CPA6: variants seen among roughly 807,000 people sequenced by gnomAD.
CPA6 encodes the protein carboxypeptidase A6.
In CPA6, 58 loss-of-function variants were observed where a neutral mutation model predicts 63.3. The ratio of observed to expected loss-of-function variants is 0.92; its 90% confidence interval spans 0.74 to 1.14. CPA6 has a LOEUF of 1.14. CPA6 is among the 50% of genes most tolerant of loss of function. CPA6 has a pLI of 0.00. For synonymous variants in CPA6, 185 were observed against 179.0 expected (o/e 1.03, Z -0.27); for missense variants, 565 against 526.6 (o/e 1.07, Z -0.71).
chr8:67,671,397 C>T (rs1001297306), intron 1 of CPA6, among the ~76,000 whole-genome samples: 2 of 152,234 alleles, frequency 1.3e-5, no homozygotes, highest in Non-Finnish European at 2.9e-5. Context: ...GGCTCTTCAC[C>T]AAGCTCCTGT....
chr8:67,428,684 C>T (rs1331787435), intron 9 of CPA6, among the ~76,000 whole-genome samples: 2 of 152,120 alleles, frequency 1.3e-5, no homozygotes, highest in South Asian at 2.1e-4. Flanking sequence ...GGGGTTTCAC[C>T]GTGTTAGCCA....
chr8:67,694,493 C>T (rs780784809), intron 1 of CPA6, among the ~76,000 whole-genome samples: 7 of 152,288 alleles, frequency 4.6e-5, no homozygotes, highest in African/African-American at 1.4e-4. Flanking sequence ...GTTTAGTGTG[C>T]GCAGCCAACC....
chr8:67,701,638 T>A (rs1044987031), intron 1 of CPA6, among the ~76,000 whole-genome samples: 2 of 152,210 alleles, frequency 1.3e-5, no homozygotes, highest in Non-Finnish European at 2.9e-5. Flanking sequence ...CAGAGAACTA[T>A]AGTGAAAGGT....
chr8:67,560,527 G>A (rs1813183782), intron 2 of CPA6, among the ~76,000 whole-genome samples: 1 of 152,148 alleles, frequency 6.6e-6, no homozygotes, highest in African/African-American at 2.4e-5. Context: ...AATAAACTGT[G>A]TAAATAAGGG....
In CPA6 at chr8:67,621,229, C is replaced by T. The variant is rs115956923; in HGVS notation, c.192+2947G>A. On this transcript the variant is annotated intron_variant, in intron 2 of 10. Coordinates refer to ENST00000297770, the MANE Select transcript of CPA6 (RefSeq NM_020361.5). ...TTCCCCTGGACTTCACCCAATACTC[C>T]TTTACCCTTTGCTGATTTTGCTTTG... Among the ~76,000 whole-genome samples the T allele has an allele frequency of 2.6e-3, 402 of 152,302 alleles. 3 individuals are homozygous for T. Among genetic ancestry groups the T allele is most frequent in the African/African-American group, 9.0e-3 (372 of 41,558 alleles).
intron 9 of CPA6, among the ~76,000 whole-genome samples, chr8:67,428,928 C>T (rs1296688641): frequency 6.6e-6 from 1 of 152,142 alleles, no homozygotes; most frequent in African/African-American, 2.4e-5. Context: ...GTTGAATAAG[C>T]ATAAATCTGA....
chr8:67,584,287 C>T (rs12681574), intron 2 of CPA6, among the ~76,000 whole-genome samples: 36,105 of 151,946 alleles, frequency 0.24, 4,752 homozygotes, highest in South Asian at 0.35. Flanking sequence ...GCAAGTGTGC[C>T]GATAATAAGG....
chr8:67,684,475 T>G (rs1170667937), intron 1 of CPA6, among the ~76,000 whole-genome samples: 1 of 152,154 alleles, frequency 6.6e-6, no homozygotes, highest in East Asian at 1.9e-4. Flanking sequence ...TCACCTCCCT[T>G]GCCATCTCCC....
intron 8 of CPA6, among the ~76,000 whole-genome samples, chr8:67,476,204 T>C (rs1329603795): frequency 1.3e-5 from 2 of 151,970 alleles, no homozygotes; most frequent in East Asian, 1.9e-4. Context: ...GGTTTCACCA[T>C]GTTGGCCAGG....
At chr8:67,596,341 A>G (rs1016193830) in intron 2 of CPA6, among the ~76,000 whole-genome samples, 2 of 152,176 alleles carry the variant, frequency 1.3e-5, no homozygotes, top group African/African-American at 4.8e-5. Flanking sequence ...TTATTTTGCA[A>G]TTAAAACTAC....
chr8:67,535,169 G>A (rs976093408), intron 2 of CPA6, among the ~76,000 whole-genome samples: 2 of 152,120 alleles, frequency 1.3e-5, no homozygotes, highest in Non-Finnish European at 2.9e-5. Flanking sequence ...ATAAACATAC[G>A]TGTGCATGTG....
intron 1 of CPA6, among the ~76,000 whole-genome samples, chr8:67,629,471 C>A (rs1264466662): frequency 5.5e-4 from 70 of 127,338 alleles, no homozygotes; most frequent in African/African-American, 2.3e-3. Flanking sequence ...CATAATGAGA[C>A]CCTGTCTCAA....
chr8:67,659,991 A>T (rs898641028), intron 1 of CPA6, among the ~76,000 whole-genome samples: 34 of 152,328 alleles, frequency 2.2e-4, no homozygotes, highest in Admixed American at 2.0e-3. Context: ...ACCGTGGAAA[A>T]GTTTCATTGC....
chr8:67,682,398 T>A (rs2128996108), intron 1 of CPA6, among the ~76,000 whole-genome samples: 1 of 152,342 alleles, frequency 6.6e-6, no homozygotes, highest in South Asian at 2.1e-4. Flanking sequence ...TTTCGTATTT[T>A]CTGTGTCTCT....
intron 9 of CPA6, among the ~76,000 whole-genome samples, chr8:67,430,330 C>T (rs769771330): frequency 6.6e-5 from 10 of 151,820 alleles, no homozygotes; most frequent in Non-Finnish European, 1.0e-4. Context: ...CAGGCACCCG[C>T]GACCACGCCT....
intron 2 of CPA6, among the ~76,000 whole-genome samples, chr8:67,558,925 A>T (rs1813132870): frequency 1.3e-5 from 2 of 152,218 alleles, no homozygotes; most frequent in South Asian, 4.1e-4. Flanking sequence ...GGCAATGTGC[A>T]TGAGTCAGTG....
In CPA6 at chr8:67,685,745, T is replaced by C. The variant is rs542232935; in HGVS notation, c.116+60269A>G. ...ATCAACTCTTAGCTATGTGTCTTCA[T>C]TTGTGGCATATACCACATCATCTCC... On this transcript the variant is annotated intron_variant, in intron 1 of 10. Transcript: ENST00000297770. 1.8e-4 allele frequency among the ~76,000 whole-genome samples: 28 copies of C among 152,398 alleles called. 1 individual carries two copies. The highest frequency in any genetic ancestry group is 3.4e-3 in the Middle Eastern group (1 of 294).
chr8:67,619,945 T>C (rs1251777207), intron 2 of CPA6, among the ~76,000 whole-genome samples: 1 of 152,216 alleles, frequency 6.6e-6, no homozygotes, highest in Non-Finnish European at 1.5e-5. Context: ...CAACTCTTGT[T>C]GTTTCAGTAT....
intron 2 of CPA6, among the ~76,000 whole-genome samples, chr8:67,595,006 T>C (rs1564015913): frequency 1.3e-5 from 2 of 152,270 alleles, no homozygotes; most frequent in Admixed American, 1.3e-4. Flanking sequence ...CCCATCTTTG[T>C]GGTTTTATCT....
Sources: allele counts gnomAD v4.1 joint callset (sites outside exome capture counted in the v4.1 genomes callset), GRCh38; gene constraint gnomAD v4.1.1; transcripts MANE v1.5; gene names NCBI Gene and HGNC (gene_info 2026-07-23, HGNC 2026-07-21).